The following NHSL1 variants were observed in gnomAD, a reference collection of about 807,000 sequenced individuals.
The protein encoded by NHSL1 is NHS-like protein 1.
NHSL1 carries 48 observed loss-of-function variants against 95.0 expected under a neutral mutation model. That is an observed-to-expected ratio of 0.51 (90% CI 0.40 to 0.64). NHSL1 has a LOEUF of 0.64. Among genes scored for constraint, NHSL1 ranks in the 30% least tolerant of loss-of-function variants. The pLI is 0.00. For synonymous variants in NHSL1, 783 were observed against 833.9 expected, an observed-to-expected ratio of 0.94 and a Z score of 1.05; for missense variants, 1,971 against 2,077.7, an observed-to-expected ratio of 0.95 and a Z score of 1.00.
intron 2 of NHSL1, among the ~76,000 whole-genome samples, chr6:138,490,831 A>T (rs1043359509): frequency 2.6e-5 from 4 of 152,000 alleles, no homozygotes; most frequent in Admixed American, 6.6e-5. Context: ...ACGGGGTTTC[A>T]CCATGTTGGC....
At chr6:138,557,701 T>G (rs1187210693) in intron 1 of NHSL1, among the ~76,000 whole-genome samples, 1 of 152,212 alleles carries the variant, frequency 6.6e-6, no homozygotes, top group African/African-American at 2.4e-5. Flanking sequence ...TGTTGAAGTG[T>G]CATGAAGAGT....
At chr6:138,608,885 C>A (rs542618972) in intron 1 of NHSL1, among the ~76,000 whole-genome samples, 2 of 152,178 alleles carry the variant, frequency 1.3e-5, no homozygotes, top group Non-Finnish European at 2.9e-5. Flanking sequence ...GACATTTACA[C>A]GACAGGAACA....
chr6:138,476,645 A>T (rs959660513), intron 2 of NHSL1, among the ~76,000 whole-genome samples: 1 of 152,002 alleles, frequency 6.6e-6, no homozygotes, highest in African/African-American at 2.4e-5. Context: ...TGGCCAACAC[A>T]GAAAAACCCC....
intron 1 of NHSL1, among the ~76,000 whole-genome samples, chr6:138,570,149 A>G (rs1244039202): frequency 2.0e-5 from 3 of 152,250 alleles, no homozygotes; most frequent in Non-Finnish European, 4.4e-5. Context: ...CAGATGAAGC[A>G]TCTACAGTAG....
intron 4 of NHSL1, among the ~76,000 whole-genome samples, chr6:138,443,613 A>G (rs1166642650): frequency 6.6e-6 from 1 of 152,066 alleles, no homozygotes; most frequent in Non-Finnish European, 1.5e-5. Flanking sequence ...GATCACTTGA[A>G]CTCAGGCGTT....
intron 5 of NHSL1, 120 bp from the exon 6 acceptor site, chr6:138,433,800 C>T: frequency 1.5e-6 from 2 of 1,357,290 alleles, no homozygotes; most frequent in Non-Finnish European, 9.6e-7. Context: ...AATTTCCTTT[C>T]TCCTGTAGGT....
chr6:138,632,059 A>C (rs1002286702), intron 1 of NHSL1, among the ~76,000 whole-genome samples: 4 of 152,194 alleles, frequency 2.6e-5, no homozygotes, highest in Non-Finnish European at 4.4e-5. Flanking sequence ...TTGGGCCTTA[A>C]GAGAACATTG....
At chr6:138,452,796 A>G (rs1388085833) in intron 3 of NHSL1, among the ~76,000 whole-genome samples, 1 of 149,890 alleles carries the variant, frequency 6.7e-6, no homozygotes, top group Non-Finnish European at 1.5e-5. Context: ...AGAGACCCTC[A>G]CTGATTTCTG....
intron 1 of NHSL1, chr6:138,650,812 C>T (rs1402716596): frequency 1.8e-6 from 1 of 541,778 alleles, no homozygotes; most frequent in Non-Finnish European, 3.8e-6. Context: ...ATCTCATCTA[C>T]AGGGAAAGCC....
chr6:138,560,513 A>C (rs1213768468), intron 1 of NHSL1, among the ~76,000 whole-genome samples: 1 of 152,236 alleles, frequency 6.6e-6, no homozygotes, highest in Admixed American at 6.5e-5. Flanking sequence ...TTATAATGGG[A>C]ATAGAGTGTG....
Position 138,519,629 on chromosome 6 carries a change from A to T in NHSL1, c.17-23258T>A, listed in dbSNP as rs568995205. On this transcript the variant is annotated intron_variant, in intron 1 of 4. Transcript: ENST00000342260. Reference sequence around the variant, plus strand: ...GAGGAGTGGGAAAATCTTGTGAAAAATTTTTACAAACAAGCACAGTGTCTG... The same window carrying T: ...GAGGAGTGGGAAAATCTTGTGAAAATTTTTTACAAACAAGCACAGTGTCTG... 1.7e-4 allele frequency among the ~76,000 whole-genome samples: 26 copies of T among 152,242 alleles called. No homozygotes were observed. The South Asian group carries it at 4.8e-3, about 28-fold the overall frequency.
intron 1 of NHSL1, among the ~76,000 whole-genome samples, chr6:138,566,617 A>G (rs1290001919): frequency 6.6e-6 from 1 of 151,716 alleles, no homozygotes; most frequent in East Asian, 1.9e-4. Flanking sequence ...CATAATTTAA[A>G]TGCCTCTTCT....
Position 138,473,343 on chromosome 6 carries a change from T to C in NHSL1, c.302A>G (p.Asp101Gly), listed in dbSNP as rs377233052. Reference protein sequence around the residue: ...TFAANASPFCDDYQDEDEETD... With the variant: ...TFAANASPFCGDYQDEDEETD... ...TTCTTCATCTTCATCTTGGTAATCA[T>C]CACAGAATGGGCTGGCGTTGGCCGC... Residue 101 changes from aspartate to glycine, a missense_variant, in exon 3 of 8, where the codon GAT becomes GGT. Physicochemically the swap from Asp to Gly is moderately conservative, Grantham distance 94. Coordinates refer to ENST00000343505, the MANE Select transcript of NHSL1 (RefSeq NM_001144060.2). The C allele has an allele frequency of 5.2e-6, 8 of 1,548,000 alleles. No homozygotes were observed. Among genetic ancestry groups the C allele is most frequent in the Non-Finnish European group, 6.1e-6 (7 of 1,145,644 alleles).
rs1272629531 is a variant in NHSL1, at chr6:138,692,439, C to G, written c.96+37G>C. The G allele has an allele frequency of 4.7e-6, 1 of 212,352 alleles. No homozygotes were observed. The highest frequency in any genetic ancestry group is 9.3e-6 in the Non-Finnish European group (1 of 107,252). The allele number at this position is 212,352 out of a possible 1,614,324, so 13.2% of individuals were successfully genotyped here. A position where few individuals can be genotyped will look rare whatever the true frequency, so the allele number is the denominator to read the frequency against. On this transcript the variant is annotated intron_variant, in intron 1 of 3. Transcript: ENST00000491526. The surrounding 1 kb of genome is among the most constrained non-coding windows in gnomAD (Gnocchi z 4.0). ...GGGAGCAGCTCTCCGGGTGCCTCCC[C>G]CGCCGGTTCCCCTCCCCCGGCCCGC...
chr6:138,511,856 C>T (rs1289620555), intron 1 of NHSL1, among the ~76,000 whole-genome samples: 1 of 151,980 alleles, frequency 6.6e-6, no homozygotes, highest in Non-Finnish European at 1.5e-5. Flanking sequence ...TGCAGTGAGC[C>T]GAGATTGCTC....
chr6:138,491,489 A>C (rs530844865), intron 2 of NHSL1, among the ~76,000 whole-genome samples: 6 of 152,300 alleles, frequency 3.9e-5, no homozygotes, highest in African/African-American at 1.4e-4. Context: ...CGTTCCATAA[A>C]GCCAAAAACT....
chr6:138,523,395 G>A (rs1403831339), intron 1 of NHSL1, among the ~76,000 whole-genome samples: 1 of 151,796 alleles, frequency 6.6e-6, no homozygotes, highest in Admixed American at 6.6e-5. Flanking sequence ...CTATAGCCTC[G>A]AACTCCTGGG....
At chr6:138,463,291 TCCTCC>T in intron 3 of NHSL1, among the ~76,000 whole-genome samples, 3 of 152,074 alleles carry the variant, frequency 2.0e-5, no homozygotes, top group African/African-American at 7.2e-5. Flanking sequence ...CCTGCTCAAC[TCCTCC>T]AGTGACTCCC....
At chr6:138,669,977 C>A (rs1179523318) in intron 1 of NHSL1, among the ~76,000 whole-genome samples, 2 of 151,980 alleles carry the variant, frequency 1.3e-5, no homozygotes, top group African/African-American at 4.8e-5. Flanking sequence ...AAAATTTAGC[C>A]GGGCATGGTA....
Sources: gnomAD v4.1 joint callset for allele counts (sites outside exome capture counted in the v4.1 genomes callset) on GRCh38, gnomAD v4.1.1 for gene constraint, Gnocchi (gnomAD v3.1) non-coding constraint, MANE v1.5 for transcripts, NCBI Gene and HGNC (gene_info 2026-07-23, HGNC 2026-07-21) for gene names.